ANKRD50: variants seen among roughly 807,000 people sequenced by gnomAD.
ANKRD50 encodes the protein ankyrin repeat domain 50.
Under a neutral mutation model 112.0 loss-of-function variants are expected in ANKRD50, and 40 were observed. The ratio of observed to expected loss-of-function variants is 0.36; its 90% CI spans 0.28 to 0.46. The LOEUF (loss-of-function observed/expected upper bound fraction) is 0.46, where lower values mean the gene tolerates loss of function less well. Among genes scored for constraint, ANKRD50 ranks in the 20% least tolerant of loss-of-function variants. The pLI, the probability that ANKRD50 is intolerant of heterozygous loss-of-function variation, is 1.00. For missense variants in ANKRD50, 1,487 were observed against 1,701.7 expected, an observed-to-expected ratio of 0.87 and a Z score of 2.22; for synonymous variants, 613 against 619.1, an observed-to-expected ratio of 0.99 and a Z score of 0.15.
At position 124,665,611 on chromosome 4, in the gene ANKRD50, T is replaced by G. The variant is rs1730469103; in HGVS notation, c.*1907A>C. The G allele has an allele frequency of 1.3e-5, 2 of 152,418 alleles. No homozygotes were observed. The highest frequency in any genetic ancestry group is 4.1e-4 in the South Asian group (2 of 4,834). The allele number at this position is 152,418 out of a possible 1,614,324, so 9.4% of individuals were successfully genotyped here. A position where few individuals can be genotyped will look rare whatever the true frequency, so the allele number is the denominator to read the frequency against. ...TTCTAATAATAGTATGTGTTCATAT[T>G]TATTAATAGACTCATTAACACTTTT... On this transcript the variant is annotated 3_prime_UTR_variant, in exon 5 of 5. Transcript: ENST00000504087.
intron 2 of ANKRD50, among the ~76,000 whole-genome samples, chr4:124,684,319 CAG>C (rs1255322198): frequency 6.6e-6 from 1 of 152,112 alleles, no homozygotes; most frequent in Non-Finnish European, 1.5e-5. Flanking sequence ...CCTTATGCGT[CAG>C]AGTTATAGGT....
Position 124,670,526 on chromosome 4 carries a change from C to T in ANKRD50, c.2751G>A (p.Leu917=). 3 of 1,613,492 alleles carry T rather than the reference C, an allele frequency of 1.9e-6. No individual in the cohort carries two copies. The highest frequency in any genetic ancestry group is 4.5e-5 in the East Asian group (2 of 44,842). Residue 917 remains leucine (L), a synonymous_variant, in exon 4 of 5, where the codon CTG becomes CTA. Transcript: ENST00000504087. ...TGTGCCCTTCTAATGCAGCAACCCG[C>T]AGTGCATTTCTTCCATCATAACCTC... ...DQRGYDGRNA[L]RVAALEGHRD...
At chr4:124,694,018 T>A (rs1366306263) in intron 2 of ANKRD50, among the ~76,000 whole-genome samples, 1 of 152,196 alleles carries the variant, frequency 6.6e-6, no homozygotes, top group Non-Finnish European at 1.5e-5. Flanking sequence ...TCTTACCCAA[T>A]ATATCTTGTC....
intron 2 of ANKRD50, among the ~76,000 whole-genome samples, chr4:124,704,791 T>C (rs983639049): frequency 3.3e-5 from 5 of 152,078 alleles, no homozygotes; most frequent in Admixed American, 2.6e-4. Context: ...ACAAAAGATA[T>C]ATACATAAAT....
chr4:124,668,286 C>T (rs766125427), intron 4 of ANKRD50, among the ~76,000 whole-genome samples: 5 of 151,914 alleles, frequency 3.3e-5, no homozygotes, highest in Non-Finnish European at 5.9e-5. Context: ...ATTGCAAAAA[C>T]ATCCATTTAT....
chr4:124,684,575 C>A (rs915353896), intron 2 of ANKRD50, among the ~76,000 whole-genome samples: 1 of 152,152 alleles, frequency 6.6e-6, no homozygotes, highest in African/African-American at 2.4e-5. Context: ...TAACTTATCT[C>A]CCTGGGATCA....
At chr4:124,677,028 G>C (rs1000869098) in intron 3 of ANKRD50, among the ~76,000 whole-genome samples, 2 of 151,540 alleles carry the variant, frequency 1.3e-5, no homozygotes, top group African/African-American at 4.8e-5. Context: ...CAAGTAAAAA[G>C]AAACCACCCA....
Position 124,710,414 on chromosome 4 carries a change from A to G in ANKRD50, c.98T>C (p.Leu33Pro). 1.2e-6 allele frequency: 2 copies of G among 1,614,206 alleles called. No homozygotes were observed. Among genetic ancestry groups the G allele is most frequent in the Non-Finnish European group, 1.7e-6 (2 of 1,180,036 alleles). ...ACTTTTCTCCTGGAGGCAATGCTGA[A>G]GCTTGTGGAAAACCCACTCCCTACA... is the stretch of plus-strand genomic sequence containing the variant. ...FYCREWVFHKLQHCLQEKSNC... is the reference protein window; with the variant it reads ...FYCREWVFHKPQHCLQEKSNC... The change falls in exon 2 of 5, where the codon CTT becomes CCT. Residue 33 changes from leucine to proline, a missense_variant. Leu to Pro is a moderately conservative substitution (Grantham distance 98). Coordinates refer to ENST00000504087, the MANE Select transcript of ANKRD50 (RefSeq NM_020337.3).
At chr4:124,668,938 G>A in intron 4 of ANKRD50, 46 bp downstream of exon 4, 1 of 1,492,160 alleles carries the variant, frequency 6.7e-7, no homozygotes. Context: ...CCAAGTAGAG[G>A]GAACTCTACT....
In ANKRD50 at chr4:124,670,737, C is replaced by T. The variant is rs1730625242; in HGVS notation, c.2540G>A (p.Gly847Glu). The T allele has an allele frequency of 2.5e-6, 4 of 1,613,704 alleles. No individual in the cohort carries two copies. Among genetic ancestry groups the T allele is most frequent in the Admixed American group, 3.3e-5 (2 of 59,938 alleles). ...AGCTGCCATGTGCAAAGGTGTCCAT[C>T]CAGCATCATCTCTGTGATTTTCATC... is the stretch of plus-strand genomic sequence containing the variant. Reference protein sequence around the residue: ...GLDENHRDDAGWTPLHMAAFE... With the variant: ...GLDENHRDDAEWTPLHMAAFE... Residue 847 changes from glycine (G) to glutamate (E), a missense_variant, in exon 4 of 5, where the codon GGA (glycine) becomes GAA (glutamate). Around this residue, in one of 2 missense-constraint regions of ANKRD50, gnomAD observed 1,046 missense variants for 1,269.5 expected, o/e 0.82. Transcript: ENST00000504087.
At position 124,664,063 on chromosome 4, in the gene ANKRD50, AAC is replaced by A. The variant is rs1297340326; in HGVS notation, c.*3453_*3454del. 1 of 151,984 alleles carries A rather than the reference AAC, an allele frequency of 6.6e-6. No homozygotes were observed. The highest frequency in any genetic ancestry group is 1.5e-5 in the Non-Finnish European group (1 of 67,950). 9.4% of individuals were successfully genotyped at this position (151,984 alleles called of 1,614,324 possible). On this transcript the variant is annotated 3_prime_UTR_variant, in exon 5 of 5. Transcript: ENST00000504087. ...GTGACGCAAGTTTACTGAGTGAAGA[AAC>A]ACACAAATTTTATTTAGAAAATGAA...
intron 2 of ANKRD50, among the ~76,000 whole-genome samples, chr4:124,703,118 G>A (rs965241092): frequency 3.3e-5 from 5 of 151,858 alleles, no homozygotes; most frequent in Admixed American, 1.3e-4. Context: ...AAGCTTGTGG[G>A]GCAAACACCC....
At chr4:124,706,132 G>T (rs932277562) in intron 2 of ANKRD50, among the ~76,000 whole-genome samples, 6 of 152,000 alleles carry the variant, frequency 3.9e-5, no homozygotes, top group African/African-American at 1.2e-4. Context: ...AAATATTAAT[G>T]TTAGAATTTG....
chr4:124,679,085 T>C (rs750092444), intron 2 of ANKRD50, among the ~76,000 whole-genome samples, 180 bp from the exon 3 acceptor site: 49 of 152,344 alleles, frequency 3.2e-4, no homozygotes, highest in Non-Finnish European at 4.0e-4. Context: ...CCAAATAGTT[T>C]GTATTTCCAA....
chr4:124,670,668 C>T lies in ANKRD50; in HGVS notation c.2609G>A (p.Gly870Asp), dbSNP rs754816843. The change falls in exon 4 of 5, where the codon GGT (glycine) becomes GAT (aspartate). Residue 870 changes from glycine to aspartate, a missense_variant. Physicochemically the swap from Gly to Asp is moderately conservative, Grantham distance 94. Around this residue, in one of 2 missense-constraint regions of ANKRD50, gnomAD observed 1,046 missense variants for 1,269.5 expected, o/e 0.82. Coordinates refer to ENST00000504087, the MANE Select transcript of ANKRD50 (RefSeq NM_020337.3). ...RLICEALIEQ[G>D]ARTNEIDNDG... ...ATTGTCAATCTCATTTGTTCTAGCA[C>T]CTTGTTCAATAAGTGCTTCACATAT... The T allele has an allele frequency of 3.7e-6, 6 of 1,613,224 alleles. No homozygotes were observed. The highest frequency in any genetic ancestry group is 1.1e-5 in the South Asian group (1 of 90,906).
At position 124,671,496 on chromosome 4, in the gene ANKRD50, A is replaced by G; in HGVS notation, c.1781T>C (p.Val594Ala). 1 of 1,613,678 alleles carries G rather than the reference A, an allele frequency of 6.2e-7. No homozygotes were observed. The highest frequency in any genetic ancestry group is 8.5e-7 in the Non-Finnish European group (1 of 1,179,820). ...LAARQGHTKV[V>A]NCLIGCGANI... ...TGCTCCACACCCAATCAAACAATTA[A>G]CCACCTTGGTATGTCCCTGTCTAGC... Residue 594 changes from valine to alanine, a missense_variant, in exon 4 of 5, where the codon GTT becomes GCT. Val to Ala is a moderately conservative substitution (Grantham distance 64). Transcript: ENST00000504087.
rs1162411796 is a variant in ANKRD50 at position 124,712,576 on chromosome 4, G to T, written c.-882C>A. The T allele has an allele frequency of 6.5e-6, 1 of 153,632 alleles. No individual in the cohort carries two copies. The highest frequency in any genetic ancestry group is 1.5e-5 in the Non-Finnish European group (1 of 68,612). 9.5% of individuals were successfully genotyped at this position (153,632 alleles called of 1,614,324 possible). On this transcript the variant is annotated 5_prime_UTR_variant, in exon 1 of 5. It adds an upstream start codon to the 5' untranslated region. Coordinates refer to ENST00000504087, the MANE Select transcript of ANKRD50 (RefSeq NM_020337.3). Reference sequence around the variant, plus strand: ...CTCCCAAGACTCCACTCCAACTGCAGCCGCCTCCTCCGCCGGGCCCGGGGC... The same window carrying T: ...CTCCCAAGACTCCACTCCAACTGCATCCGCCTCCTCCGCCGGGCCCGGGGC...
At chr4:124,686,874 A>C (rs1010314782) in intron 2 of ANKRD50, among the ~76,000 whole-genome samples, 3 of 152,028 alleles carry the variant, frequency 2.0e-5, no homozygotes, top group Non-Finnish European at 2.9e-5. Context: ...GCAACAACAA[A>C]TATCAAATTT....
rs1160539552 is a variant in ANKRD50, at chr4:124,711,016, T to C, written c.-505A>G. On this transcript the variant is annotated 5_prime_UTR_variant, in exon 2 of 5. Coordinates refer to ENST00000504087, the MANE Select transcript of ANKRD50 (RefSeq NM_020337.3). ...CATTTATACGGTATGAGGTACAGTA[T>C]GTAAGTAGCTCTGTATTTCTCGTTG... 1.4e-5 allele frequency: 5 copies of C among 361,964 alleles called. No individual in the cohort carries two copies. The highest frequency in any genetic ancestry group is 4.2e-5 in the African/African-American group (2 of 47,812). The allele number at this position is 361,964 out of a possible 1,614,324, so 22.4% of individuals were successfully genotyped here.
Sources: allele counts gnomAD v4.1 joint callset (sites outside exome capture counted in the v4.1 genomes callset), GRCh38; gene constraint gnomAD v4.1.1; regional missense constraint gnomAD v4.1.1; transcripts MANE v1.5; gene names NCBI Gene and HGNC (gene_info 2026-07-23, HGNC 2026-07-21).